CEMIP: variants seen among roughly 807,000 people sequenced by gnomAD.
CEMIP encodes the protein cell migration-inducing and hyaluronan-binding protein.
A neutral mutation model predicts 156.9 loss-of-function variants in CEMIP; 105 were observed. The ratio of observed to expected loss-of-function variants is 0.67; its 90% CI spans 0.57 to 0.79. The LOEUF (loss-of-function observed/expected upper bound fraction) is 0.79. Ranked by LOEUF, CEMIP falls within the 30% of genes least tolerant of loss-of-function variation. The pLI, the probability that CEMIP is intolerant of heterozygous loss-of-function variation, is 0.00. For missense variants in CEMIP, 1,457 were observed against 1,769.4 expected, an observed-to-expected ratio of 0.82 and a Z score of 3.17; for synonymous variants, 676 against 668.4, an observed-to-expected ratio of 1.01 and a Z score of -0.17.
intron 24 of CEMIP, 121 bp from the exon 25 acceptor site, chr15:80,937,673 C>T (rs939774675): frequency 2.3e-6 from 2 of 876,334 alleles, no homozygotes; most frequent in African/African-American, 3.3e-5. Flanking sequence ...TCAAAATTTC[C>T]CATACAAAAG....
At position 80,944,038 on chromosome 15, in the gene CEMIP, G is replaced by T. The variant is rs139276450; in HGVS notation, c.3857+936G>T. ...CTCACACCTGTAATTTCAGCACTTT[G>T]GGAGGCCGAGGTGGGTGGATCATGA... On this transcript the variant is annotated intron_variant, in intron 28 of 29. Coordinates refer to ENST00000394685, the MANE Select transcript of CEMIP (RefSeq NM_001293298.2). Among the ~76,000 whole-genome samples the T allele has an allele frequency of 7.3e-3, 1,108 of 152,258 alleles. 16 individuals are homozygous for T. The highest frequency in any genetic ancestry group is 0.026 in the African/African-American group (1,060 of 41,544).
rs1899495744 is a variant in CEMIP at position 80,900,767 on chromosome 15, C to A, written c.1411+4707C>A. On this transcript the variant is annotated intron_variant, in intron 12 of 29. Transcript: ENST00000394685. ...AAGCCCATTCTCTGGCTCTCCATCT[C>A]CCTGTTGACAGGATCAAGGATTCCA... The A allele has an allele frequency of 1.2e-5, 4 of 345,940 alleles. No individual in the cohort carries two copies. In the Admixed American group the frequency reaches 1.6e-4, roughly 14 times the overall value. 21.4% of individuals were successfully genotyped at this position (345,940 alleles called of 1,614,324 possible).
chr15:80,790,226 AT>A (rs1896046585), intron 1 of CEMIP, among the ~76,000 whole-genome samples: 1 of 152,130 alleles, frequency 6.6e-6, no homozygotes, highest in African/African-American at 2.4e-5. Flanking sequence ...GTGCTCAAAT[AT>A]TTTTTAAATA....
At chr15:80,916,128 A>G (rs914276608) in intron 14 of CEMIP, among the ~76,000 whole-genome samples, 10 of 152,240 alleles carry the variant, frequency 6.6e-5, no homozygotes, top group Admixed American at 5.2e-4. Flanking sequence ...CATTACATAC[A>G]GATATGTCCT....
In CEMIP at chr15:80,933,390, T is replaced by C. The variant is rs1900999478; in HGVS notation, c.2939T>C (p.Leu980Pro). The C allele has an allele frequency of 3.1e-6, 5 of 1,614,152 alleles. No individual in the cohort carries two copies. The highest frequency in any genetic ancestry group is 4.2e-6 in the Non-Finnish European group (5 of 1,180,032). ...TACCTCACGAAGAATGACAACTGGCTGGTCCGGCACCCAGACTGCATCAAT... is the reference window on the plus strand; with the variant it reads ...TACCTCACGAAGAATGACAACTGGCCGGTCCGGCACCCAGACTGCATCAAT... ...GSYLTKNDNW[L>P]VRHPDCINVP... Residue 980 changes from leucine to proline, a missense_variant, in exon 23 of 30, where the codon CTG (leucine) becomes CCG (proline). Leu to Pro is a moderately conservative substitution (Grantham distance 98). Transcript: ENST00000394685.
intron 1 of CEMIP, among the ~76,000 whole-genome samples, chr15:80,862,793 A>G (rs546663440): frequency 2.6e-5 from 4 of 152,366 alleles, no homozygotes; most frequent in Middle Eastern, 3.4e-3. Flanking sequence ...GAGCTGGGAC[A>G]GGATTCATGT....
At chr15:80,922,630 T>C (rs1900518964) in intron 17 of CEMIP, among the ~76,000 whole-genome samples, 1 of 152,242 alleles carries the variant, frequency 6.6e-6, no homozygotes, top group Non-Finnish European at 1.5e-5. Context: ...GGTTGCTGCA[T>C]CTGCACAGAG....
chr15:80,933,530 ACTC>A, intron 23 of CEMIP, 70 bp downstream of exon 23: 1 of 1,194,938 alleles, frequency 8.4e-7, no homozygotes, highest in Non-Finnish European at 1.2e-6. Flanking sequence ...GTGAGTGTCT[ACTC>A]TATGCCTGGC....
intron 1 of CEMIP, among the ~76,000 whole-genome samples, chr15:80,852,745 G>C (rs550156264): frequency 2.0e-5 from 3 of 152,268 alleles, no homozygotes; most frequent in Admixed American, 2.0e-4. Context: ...AGCCAGGTAA[G>C]GTGGTGCTTA....
At chr15:80,845,371 C>T (rs1897527954) in intron 1 of CEMIP, among the ~76,000 whole-genome samples, 1 of 152,082 alleles carries the variant, frequency 6.6e-6, no homozygotes, top group African/African-American at 2.4e-5. Context: ...GTCAAGGCTG[C>T]AGTGAGCAGT....
chr15:80,937,015 T>C (rs970574012), intron 24 of CEMIP, 130 bp downstream of exon 24: 19 of 862,004 alleles, frequency 2.2e-5, no homozygotes, highest in Admixed American at 7.9e-5. Context: ...CCTAGAGGGG[T>C]TGACATCACC....
intron 25 of CEMIP, among the ~76,000 whole-genome samples, chr15:80,939,283 G>T (rs866887980): frequency 6.6e-6 from 1 of 152,148 alleles, no homozygotes; most frequent in African/African-American, 2.4e-5. Context: ...CTGCTCTACG[G>T]GCTGAGCCAA....
At position 80,950,908 on chromosome 15, in the gene CEMIP, C is replaced by T. The variant is rs1467141011; in HGVS notation, c.*1984C>T. The T allele has an allele frequency of 6.5e-6, 1 of 152,740 alleles. No homozygotes were observed. The highest frequency in any genetic ancestry group is 2.4e-5 in the African/African-American group (1 of 41,452). 9.5% of individuals were successfully genotyped at this position (152,740 alleles called of 1,614,324 possible). A position where few individuals can be genotyped will look rare whatever the true frequency, so the allele number is the denominator to read the frequency against. On this transcript the variant is annotated 3_prime_UTR_variant, in exon 30 of 30. Transcript: ENST00000394685. Reference sequence around the variant, plus strand: ...CAAAGAGGGCCTGCCTGGCTCCCTCCACCCAACTGCACCCATGAGACTCGG... The same window carrying T: ...CAAAGAGGGCCTGCCTGGCTCCCTCTACCCAACTGCACCCATGAGACTCGG...
intron 12 of CEMIP, among the ~76,000 whole-genome samples, chr15:80,905,947 T>C (rs1000250766): frequency 2.6e-5 from 4 of 152,188 alleles, no homozygotes; most frequent in African/African-American, 9.6e-5. Context: ...CATGGAGGCA[T>C]CCAGAGCCAG....
Position 80,933,306 on chromosome 15 carries a change from G to A in CEMIP, c.2855G>A (p.Gly952Glu), listed in dbSNP as rs755250907. 4 of 1,614,188 alleles carry A rather than the reference G, an allele frequency of 2.5e-6. No homozygotes were observed. Among genetic ancestry groups the A allele is most frequent in the Non-Finnish European group, 8.5e-7 (1 of 1,180,028 alleles). The change falls in exon 23 of 30, where the codon GGG (glycine) becomes GAG (glutamate). Residue 952 changes from glycine (G) to glutamate (E), a missense_variant. Coordinates refer to ENST00000394685, the MANE Select transcript of CEMIP (RefSeq NM_001293298.2). ...TGGTTCAACCAGCTGGACATGGATG[G>A]GGATAAGACATCTGTGTTCCATGAC... ...GPWFNQLDMDGDKTSVFHDVD... is the reference protein window; with the variant it reads ...GPWFNQLDMDEDKTSVFHDVD...
At chr15:80,875,516 C>T (rs745825203) in intron 3 of CEMIP, among the ~76,000 whole-genome samples, 1 of 152,100 alleles carries the variant, frequency 6.6e-6, no homozygotes, top group Non-Finnish European at 1.5e-5. Context: ...GGAGAGGTGC[C>T]CTCAGGTACT....
At chr15:80,881,621 G>A (rs754292918) in intron 6 of CEMIP, among the ~76,000 whole-genome samples, 7 of 152,190 alleles carry the variant, frequency 4.6e-5, no homozygotes, top group Non-Finnish European at 5.9e-5. Flanking sequence ...AGCGAGTGGC[G>A]GAAGAGCAGC....
In CEMIP at chr15:80,922,869, G is replaced by A. The variant is rs74593930; in HGVS notation, c.2202+732G>A. ...TTGGAGCATGGCTGAGACCAGAGAC[G>A]CTCTTTGTTGGGGCAGAGGTGGTCT... is the stretch of plus-strand genomic sequence containing the variant. On this transcript the variant is annotated intron_variant, in intron 17 of 29. Transcript: ENST00000394685. Among the ~76,000 whole-genome samples, 464 of 152,280 alleles carry A rather than the reference G, an allele frequency of 3.0e-3. 5 individuals are homozygous for A. Among genetic ancestry groups the A allele is most frequent in the African/African-American group, 0.011 (439 of 41,546 alleles).
intron 16 of CEMIP, 35 bp downstream of exon 16, chr15:80,921,136 A>G (rs768353167): frequency 2.5e-6 from 4 of 1,590,768 alleles, no homozygotes; most frequent in Non-Finnish European, 3.4e-6. Flanking sequence ...GCAGAAAGTG[A>G]GGGTGGGGGC....
Sources: allele counts gnomAD v4.1 joint callset (sites outside exome capture counted in the v4.1 genomes callset), GRCh38; gene constraint gnomAD v4.1.1; transcripts MANE v1.5; gene names NCBI Gene and HGNC (gene_info 2026-07-23, HGNC 2026-07-21).